The following HMCN2 variants were observed in gnomAD, a reference collection of about 807,000 sequenced individuals.
HMCN2 encodes the protein hemicentin-2.
In HMCN2, 325 loss-of-function variants were observed where a neutral mutation model predicts 377.5. The ratio of observed to expected loss-of-function variants is 0.86; its 90% CI spans 0.79 to 0.94. The LOEUF (loss-of-function observed/expected upper bound fraction) is 0.94, where lower values mean the gene tolerates loss of function less well. HMCN2 is among the 40% of genes least tolerant of loss of function. HMCN2 has a pLI of 0.00. For missense variants in HMCN2, 4,543 were observed against 4,725.3 expected (o/e 0.96, Z 1.13); for synonymous variants, 2,007 against 2,046.8 (o/e 0.98, Z 0.53).
intron 54 of HMCN2, among the ~76,000 whole-genome samples, chr9:130,381,692 A>T (rs571488863): frequency 1.0e-3 from 153 of 152,034 alleles, no homozygotes; most frequent in Non-Finnish European, 1.9e-3. Context: ...CTGGCTTTTG[A>T]TCACAGAGGG....
chr9:130,303,721 G>A lies in HMCN2; in HGVS notation c.1543+113G>A. ...GCCAGCTGCTGGGACAATTCGTCAT[G>A]CCGGGTCTGGCTGCCCAGGCTGCCA... On this transcript the variant is annotated intron_variant, in intron 10 of 97. Coordinates refer to ENST00000683500, the MANE Select transcript of HMCN2 (RefSeq NM_001291815.2). This position sits in a 1 kb window ranked among gnomAD's most constrained non-coding sequence, Gnocchi z 5.2. The A allele has an allele frequency of 4.9e-6, 1 of 206,060 alleles. No individual in the cohort carries two copies. The highest frequency in any genetic ancestry group is 5.7e-5 in the South Asian group (1 of 17,406). The allele number at this position is 206,060 out of a possible 1,614,324, so 12.8% of individuals were successfully genotyped here. A position where few individuals can be genotyped will look rare whatever the true frequency, so the allele number is the denominator to read the frequency against.
chr9:130,433,576 C>G lies in HMCN2; in HGVS notation c.15123C>G (p.Val5041=). The part of the protein sequence containing the change: ...LRPLRAGLGA[V]YTRRALTRAG... ...CGCTGCGCGCGGGCCTTGGCGCGGT[C>G]TACACCCGTCGCGCGCTCACCCGCG... The change falls in exon 98 of 98, where the codon GTC becomes GTG. Residue 5041 remains valine, a synonymous_variant. Transcript: ENST00000683500. The G allele has an allele frequency of 6.6e-7, 1 of 1,507,072 alleles. No homozygotes were observed. The highest frequency in any genetic ancestry group is 8.8e-7 in the Non-Finnish European group (1 of 1,130,920). 93.4% of individuals were successfully genotyped at this position (1,507,072 alleles called of 1,614,324 possible). A position where few individuals can be genotyped will look rare whatever the true frequency, so the allele number is the denominator to read the frequency against.
chr9:130,373,296 C>T (rs1841142383), intron 48 of HMCN2, among the ~76,000 whole-genome samples, 172 bp downstream of exon 48: 1 of 152,156 alleles, frequency 6.6e-6, no homozygotes, highest in Non-Finnish European at 1.5e-5. Flanking sequence ...TGTGTTCTTC[C>T]ATCCCAAACA....
intron 15 of HMCN2, among the ~76,000 whole-genome samples, chr9:130,315,137 G>T (rs1366936834): frequency 6.8e-6 from 1 of 146,382 alleles, no homozygotes; most frequent in Non-Finnish European, 1.5e-5. Flanking sequence ...CAGGAAGTTA[G>T]TTACCCCTTC....
chr9:130,306,415 G>T, intron 12 of HMCN2, 145 bp downstream of exon 12: 1 of 385,324 alleles, frequency 2.6e-6, no homozygotes, highest in Non-Finnish European at 5.3e-6. Flanking sequence ...AGACTCCAGA[G>T]TGAGATCACT....
At chr9:130,391,690 C>CA in intron 65 of HMCN2, 116 bp downstream of exon 65, 4 of 907,294 alleles carry the variant, frequency 4.4e-6, no homozygotes, top group Non-Finnish European at 4.0e-6. Context: ...TTCCCTGGGC[C>CA]TCCATGGCCC....
At chr9:130,306,326 A>AG (rs1169618397) in intron 12 of HMCN2, 56 bp downstream of exon 12, 2 of 463,896 alleles carry the variant, frequency 4.3e-6, no homozygotes, top group Non-Finnish European at 9.0e-6. Flanking sequence ...CAGGACTCCC[A>AG]GGGGACCTCT....
At chr9:130,348,051 T>C in intron 26 of HMCN2, 1 of 985,336 alleles carries the variant, frequency 1.0e-6, no homozygotes, top group Non-Finnish European at 1.2e-6. Context: ...GTGGGTGGGC[T>C]GGGGAGTGGT....
intron 70 of HMCN2, 25 bp downstream of exon 70, chr9:130,395,133 G>GC: frequency 2.2e-6 from 1 of 453,764 alleles, no homozygotes; most frequent in Non-Finnish European, 3.9e-6. Flanking sequence ...TGGGGTGGGG[G>GC]CAGGGCCGGG....
intron 90 of HMCN2, among the ~76,000 whole-genome samples, chr9:130,426,460 C>T (rs1413921131): frequency 6.6e-6 from 1 of 152,246 alleles, no homozygotes; most frequent in African/African-American, 2.4e-5. Context: ...CCGAGGTACA[C>T]CACTTTCTGG....
chr9:130,395,814 A>G, intron 71 of HMCN2, 110 bp from the exon 72 acceptor site: 2 of 1,131,720 alleles, frequency 1.8e-6, no homozygotes, highest in East Asian at 6.0e-5. Context: ...CTGGAAGTAC[A>G]GAGCCACTGT....
At chr9:130,341,690 A>G (rs1465937881) in intron 24 of HMCN2, among the ~76,000 whole-genome samples, 3 of 152,162 alleles carry the variant, frequency 2.0e-5, no homozygotes, top group African/African-American at 7.2e-5. Context: ...AGCAGTAACC[A>G]GGGAGTGGCA....
intron 25 of HMCN2, among the ~76,000 whole-genome samples, chr9:130,343,679 C>T (rs1273015548): frequency 2.6e-5 from 4 of 152,254 alleles, no homozygotes; most frequent in Non-Finnish European, 5.9e-5. Context: ...CCACACACAG[C>T]CCTGGTCAGT....
Position 130,418,827 on chromosome 9 carries a change from C to A in HMCN2, c.13017C>A (p.Asp4339Glu). 2 of 1,532,474 alleles carry A rather than the reference C, an allele frequency of 1.3e-6. No individual in the cohort carries two copies. Among genetic ancestry groups the A allele is most frequent in the South Asian group, 1.2e-5 (1 of 81,536 alleles). The allele number at this position is 1,532,474 out of a possible 1,614,324, so 94.9% of individuals were successfully genotyped here. ...PQDMTVRSGD[D>E]VALRCQATGE... is the part of the protein sequence containing the mutation. ...ACATGACAGTGAGATCTGGGGATGA[C>A]GTGGCCCTGCGGTGCCAGGCCACTG... Residue 4339 changes from aspartate to glutamate, a missense_variant, in exon 86 of 98, where the codon GAC (aspartate) becomes GAA (glutamate). Physicochemically the swap from Asp to Glu is conservative, Grantham distance 45. This residue lies in a region of HMCN2 where 1,155 missense variants were observed against 1,157.7 expected (regional missense o/e 1.00). Transcript: ENST00000683500.
At chr9:130,389,965 A>C (rs1842220149) in intron 62 of HMCN2, among the ~76,000 whole-genome samples, 1 of 152,218 alleles carries the variant, frequency 6.6e-6, no homozygotes, top group Admixed American at 6.5e-5. Flanking sequence ...CGTGTTGTGC[A>C]TCCACTGGTC....
At chr9:130,389,464 C>T (rs529282395) in intron 62 of HMCN2, among the ~76,000 whole-genome samples, 1 of 152,280 alleles carries the variant, frequency 6.6e-6, no homozygotes, top group South Asian at 2.1e-4. Context: ...TTGGCCTGTT[C>T]TGGGCATTTC....
At chr9:130,349,719 G>T in intron 29 of HMCN2, 56 bp downstream of exon 29, 10 of 1,276,770 alleles carry the variant, frequency 7.8e-6, no homozygotes, top group Non-Finnish European at 9.3e-6. Flanking sequence ...TCAGCCTGCT[G>T]GATGTGGGGG....
chr9:130,404,738 G>T, intron 80 of HMCN2, 131 bp from the exon 81 acceptor site: 1 of 519,040 alleles, frequency 1.9e-6, no homozygotes, highest in Non-Finnish European at 3.0e-6. Flanking sequence ...AATGGCCTAT[G>T]ACTAGGGAGT....
chr9:130,382,944 G>T, intron 56 of HMCN2, 78 bp downstream of exon 56: 5 of 834,636 alleles, frequency 6.0e-6, no homozygotes, highest in Non-Finnish European at 7.2e-6. Context: ...CCAGGGAGGG[G>T]TCATTATCTG....
Sources: gnomAD v4.1 joint callset for allele counts (sites outside exome capture counted in the v4.1 genomes callset) on GRCh38, gnomAD v4.1.1 for gene constraint, gnomAD v4.1.1 regional missense constraint, Gnocchi (gnomAD v3.1) non-coding constraint, MANE v1.5 for transcripts, NCBI Gene and HGNC (gene_info 2026-07-23, HGNC 2026-07-21) for gene names.